Variants in PSD3 observed in about 807,000 individuals in gnomAD.
PSD3 encodes PH and SEC7 domain-containing protein 3.
PSD3 carries 49 observed loss-of-function variants against 105.5 expected under a neutral mutation model. The observed-to-expected ratio is 0.46, with a 90% CI of 0.37 to 0.59. The LOEUF is 0.59. PSD3 is among the 20% of genes least tolerant of loss of function. PSD3 has a pLI of 0.00. For missense variants in PSD3, 1,561 were observed against 1,263.8 expected (o/e 1.24, Z -3.57); for synonymous variants, 557 against 457.8 (o/e 1.22, Z -2.77).
At chr8:18,921,614 C>CT (rs1821026673) in intron 2 of PSD3, among the ~76,000 whole-genome samples, 1 of 152,154 alleles carries the variant, frequency 6.6e-6, no homozygotes, top group South Asian at 2.1e-4. Flanking sequence ...TGGCAGGTTT[C>CT]TGGGAGCCTT....
chr8:18,995,327 C>G (rs979827155), intron 1 of PSD3, among the ~76,000 whole-genome samples: 5 of 152,016 alleles, frequency 3.3e-5, no homozygotes, highest in Non-Finnish European at 5.9e-5. Flanking sequence ...AATTACTAAA[C>G]AAAACTCCCA....
chr8:18,788,774 G>A (rs1809426417), intron 8 of PSD3, among the ~76,000 whole-genome samples: 1 of 152,174 alleles, frequency 6.6e-6, no homozygotes. Context: ...AATAAATGGT[G>A]GAAAGGCATA....
intron 1 of PSD3, among the ~76,000 whole-genome samples, chr8:19,081,105 G>A (rs1829632066): frequency 6.6e-6 from 1 of 152,116 alleles, no homozygotes; most frequent in Non-Finnish European, 1.5e-5. Context: ...AGATGGTTAG[G>A]GCAGGCTCTG....
intron 1 of PSD3, among the ~76,000 whole-genome samples, chr8:18,944,586 AT>A (rs1425766854): frequency 7.3e-4 from 76 of 104,710 alleles, no homozygotes; most frequent in African/African-American, 2.5e-3. Context: ...AAATAAATAA[AT>A]AAATAAATAA....
intron 1 of PSD3, among the ~76,000 whole-genome samples, chr8:18,988,571 G>A (rs1825628588): frequency 1.3e-5 from 2 of 150,740 alleles, no homozygotes; most frequent in Non-Finnish European, 3.0e-5. Flanking sequence ...GGTTGTAGCT[G>A]ACTAATTACC....
chr8:18,769,322 C>T (rs1389783410), intron 8 of PSD3, among the ~76,000 whole-genome samples: 1 of 152,108 alleles, frequency 6.6e-6, no homozygotes, highest in Non-Finnish European at 1.5e-5. Context: ...AATTCAACTG[C>T]TTGTAACATT....
chr8:18,565,946 G>C (rs537766351), intron 14 of PSD3, among the ~76,000 whole-genome samples: 24 of 152,160 alleles, frequency 1.6e-4, no homozygotes, highest in African/African-American at 5.8e-4. Context: ...AGGCCCTCAC[G>C]ACAAAGAATT....
intron 2 of PSD3, among the ~76,000 whole-genome samples, chr8:18,932,969 C>T (rs998217438): frequency 4.6e-5 from 7 of 152,200 alleles, no homozygotes; most frequent in Admixed American, 1.3e-4. Flanking sequence ...TTCTTCCTTG[C>T]TAGTCACTTG....
intron 4 of PSD3, among the ~76,000 whole-genome samples, chr8:18,840,154 G>C (rs934079743): frequency 6.6e-6 from 1 of 152,170 alleles, no homozygotes; most frequent in African/African-American, 2.4e-5. Flanking sequence ...TGAATGCCAA[G>C]TGAATAAAGC....
At chr8:19,068,798 A>T (rs1338913553) in intron 1 of PSD3, among the ~76,000 whole-genome samples, 6 of 150,578 alleles carry the variant, frequency 4.0e-5, no homozygotes, top group Admixed American at 3.3e-4. Flanking sequence ...TAGACCAGGG[A>T]TGTGCTTGGT....
At chr8:18,868,304 T>G (rs1330496817) in intron 3 of PSD3, among the ~76,000 whole-genome samples, 1 of 152,206 alleles carries the variant, frequency 6.6e-6, no homozygotes, top group Non-Finnish European at 1.5e-5. Context: ...AGTTTCCTAA[T>G]GTGTGAATAC....
At chr8:18,825,081 C>T (rs1428752323) in intron 4 of PSD3, among the ~76,000 whole-genome samples, 2 of 152,068 alleles carry the variant, frequency 1.3e-5, no homozygotes, top group Admixed American at 6.5e-5. Context: ...TTTGAAAAAC[C>T]CTGCCTTTCT....
intron 9 of PSD3, among the ~76,000 whole-genome samples, chr8:18,696,606 A>G (rs1034047364): frequency 2.6e-5 from 4 of 152,338 alleles, no homozygotes; most frequent in Non-Finnish European, 4.4e-5. Context: ...CATTTTCCCC[A>G]GAATTACAAA....
At chr8:18,998,884 T>C (rs1374061901) in intron 1 of PSD3, among the ~76,000 whole-genome samples, 2 of 151,870 alleles carry the variant, frequency 1.3e-5, no homozygotes, top group Admixed American at 1.3e-4. Context: ...TGGACTCAAG[T>C]ACAAGACAGA....
intron 4 of PSD3, among the ~76,000 whole-genome samples, chr8:18,860,246 A>G (rs1437921254): frequency 6.6e-6 from 1 of 152,178 alleles, no homozygotes; most frequent in Non-Finnish European, 1.5e-5. Flanking sequence ...TTATATGGGC[A>G]TGGTTTATGG....
intron 1 of PSD3, among the ~76,000 whole-genome samples, chr8:19,002,563 A>G (rs76050997): frequency 0.11 from 16,187 of 152,068 alleles, 1,215 homozygotes; most frequent in Non-Finnish European, 0.16. Flanking sequence ...CTATAGAAAA[A>G]CACTGAAAGT....
intron 1 of PSD3, among the ~76,000 whole-genome samples, chr8:19,006,719 C>G (rs1586618116): frequency 6.6e-6 from 1 of 152,130 alleles, no homozygotes; most frequent in East Asian, 1.9e-4. Context: ...ACACGGGCAC[C>G]TTCACTTACC....
chr8:18,863,648 G>A (rs1160072046), intron 4 of PSD3, among the ~76,000 whole-genome samples: 2 of 152,144 alleles, frequency 1.3e-5, no homozygotes, highest in Non-Finnish European at 2.9e-5. Context: ...CAATCTAATA[G>A]TCCATCCAGA....
chr8:18,723,300 G>A (rs548829523), intron 9 of PSD3, among the ~76,000 whole-genome samples: 1 of 152,176 alleles, frequency 6.6e-6, no homozygotes, highest in Non-Finnish European at 1.5e-5. Flanking sequence ...AAAGCTAAGT[G>A]CCATAAGTAA....
Sources: allele counts gnomAD v4.1 joint callset (sites outside exome capture counted in the v4.1 genomes callset), GRCh38; gene constraint gnomAD v4.1.1; transcripts MANE v1.5; gene names NCBI Gene and HGNC (gene_info 2026-07-23, HGNC 2026-07-21).